The following FER variants were observed in gnomAD, a reference collection of about 807,000 sequenced individuals.
FER encodes tyrosine-protein kinase Fer.
In FER, 63 loss-of-function variants were observed where a neutral mutation model predicts 111.0. That is an observed-to-expected ratio of 0.57 (90% CI 0.46 to 0.70). The LOEUF is 0.70. FER is among the 30% of genes least tolerant of loss of function. The pLI is 0.00. For synonymous variants in FER, 327 were observed against 313.9 expected (o/e 1.04, Z -0.44); for missense variants, 914 against 954.0 (o/e 0.96, Z 0.55).
chr5:108,797,636 G>C (rs1273258766), intron 2 of FER, among the ~76,000 whole-genome samples: 1 of 152,218 alleles, frequency 6.6e-6, no homozygotes, highest in African/African-American at 2.4e-5. Context: ...GATGATTCGA[G>C]ACTGTGTTTT....
chr5:108,874,999 C>G lies in FER; in HGVS notation c.923+2787C>G, dbSNP rs1243061758. Among the ~76,000 whole-genome samples, 6 of 150,120 alleles carry G rather than the reference C, an allele frequency of 4.0e-5. No individual in the cohort carries two copies. In the East Asian group the frequency reaches 7.8e-4, roughly 19 times the overall value. On this transcript the variant is annotated intron_variant, in intron 8 of 19. Transcript: ENST00000281092. ...TTGTGAAACTGGACAGATAACTTAT[C>G]CCCTCTGTTATGGAAATCTAACACT...
At chr5:109,026,405 A>G (rs553186499) in intron 13 of FER, among the ~76,000 whole-genome samples, 6 of 152,182 alleles carry the variant, frequency 3.9e-5, no homozygotes, top group African/African-American at 1.4e-4. Context: ...CAGATGGGCA[A>G]CTACTTTGCA....
intron 5 of FER, among the ~76,000 whole-genome samples, chr5:108,836,808 C>G (rs528628689): frequency 4.3e-4 from 65 of 152,056 alleles, no homozygotes; most frequent in African/African-American, 1.5e-3. Flanking sequence ...CTTTTCCCCT[C>G]TTCTTTATCT....
intron 10 of FER, among the ~76,000 whole-genome samples, chr5:108,898,627 C>CTTTCTT (rs1426413333): frequency 2.2e-5 from 3 of 137,264 alleles, no homozygotes; most frequent in East Asian, 5.1e-4. Context: ...TCCTTCCTTC[C>CTTTCTT]TTTCTTTTTC....
chr5:109,006,008 G>C (rs1025011993), intron 13 of FER, among the ~76,000 whole-genome samples: 2 of 152,164 alleles, frequency 1.3e-5, no homozygotes, highest in African/African-American at 4.8e-5. Context: ...AACCAGTATT[G>C]ATTAACTCAG....
At position 109,187,660 on chromosome 5, in the gene FER, C is replaced by G; in HGVS notation, c.*85C>G. On this transcript the variant is annotated 3_prime_UTR_variant, in exon 20 of 20. Coordinates refer to ENST00000281092, the MANE Select transcript of FER (RefSeq NM_005246.4). The stretch of plus-strand genomic sequence containing the variant: ...TGTTCTCATTAACAATGAATTTATA[C>G]CACATTACCTTCGACAGTCTTCTAC... 1 of 1,444,982 alleles carries G rather than the reference C, an allele frequency of 6.9e-7. No individual in the cohort carries two copies. Among genetic ancestry groups the G allele is most frequent in the Non-Finnish European group, 9.5e-7 (1 of 1,047,388 alleles). The allele number at this position is 1,444,982 out of a possible 1,614,324, so 89.5% of individuals were successfully genotyped here.
chr5:109,154,086 A>T (rs1755119479), intron 17 of FER, among the ~76,000 whole-genome samples: 1 of 151,732 alleles, frequency 6.6e-6, no homozygotes, highest in Non-Finnish European at 1.5e-5. Context: ...GCAAAAAAAA[A>T]ACCCATGCTG....
chr5:108,859,544 T>C (rs1222767290), intron 5 of FER, among the ~76,000 whole-genome samples: 3 of 152,210 alleles, frequency 2.0e-5, no homozygotes, highest in Non-Finnish European at 4.4e-5. Context: ...TTTTGTTCTT[T>C]ATTATATTTT....
intron 2 of FER, among the ~76,000 whole-genome samples, chr5:108,793,070 T>C (rs1755560861): frequency 6.6e-6 from 1 of 152,220 alleles, no homozygotes; most frequent in Non-Finnish European, 1.5e-5. Context: ...TAAATTATTA[T>C]TGACTATAGT....
intron 10 of FER, among the ~76,000 whole-genome samples, chr5:108,921,947 T>C (rs1581210334): frequency 6.6e-6 from 1 of 152,268 alleles, no homozygotes; most frequent in East Asian, 1.9e-4. Flanking sequence ...ACTTTGGAAA[T>C]AGGGTCTGTA....
At chr5:108,756,764 C>T (rs1751158484) in intron 1 of FER, among the ~76,000 whole-genome samples, 1 of 152,216 alleles carries the variant, frequency 6.6e-6, no homozygotes, top group South Asian at 2.1e-4. Flanking sequence ...AAGCCAATTT[C>T]TTTCTCCTAC....
intron 17 of FER, among the ~76,000 whole-genome samples, chr5:109,167,749 G>T (rs959654032): frequency 1.0e-3 from 152 of 152,276 alleles, no homozygotes; most frequent in African/African-American, 3.6e-3. Context: ...TTCTGCCCCA[G>T]TGTAACCTTA....
chr5:109,182,856 A>C (rs1310977934), intron 18 of FER, among the ~76,000 whole-genome samples: 1 of 152,094 alleles, frequency 6.6e-6, no homozygotes, highest in Non-Finnish European at 1.5e-5. Flanking sequence ...GATTTTTTTT[A>C]ATTGAGACAG....
At chr5:108,789,011 C>G (rs988404947) in intron 2 of FER, among the ~76,000 whole-genome samples, 1 of 152,134 alleles carries the variant, frequency 6.6e-6, no homozygotes, top group Non-Finnish European at 1.5e-5. Context: ...ATAATGGCTT[C>G]TTATGTCTTA....
At position 108,892,832 on chromosome 5, in the gene FER, A is replaced by G. The variant is rs1032732145; in HGVS notation, c.1047-4827A>G. 1.7e-3 allele frequency among the ~76,000 whole-genome samples: 261 copies of G among 152,232 alleles called. 1 individual carries two copies. Among genetic ancestry groups the G allele is most frequent in the Non-Finnish European group, 3.0e-3 (202 of 68,020 alleles). On this transcript the variant is annotated intron_variant, in intron 9 of 19. Coordinates refer to ENST00000281092, the MANE Select transcript of FER (RefSeq NM_005246.4). ...CGTTTAAGTCTTTAATCCATCTTGA[A>G]TTAATTTCTGTATAAGGTGTAAGGA...
intron 2 of FER, among the ~76,000 whole-genome samples, chr5:108,774,991 G>T (rs1033783853): frequency 1.3e-5 from 2 of 152,100 alleles, no homozygotes; most frequent in African/African-American, 4.8e-5. Flanking sequence ...GAATGATTTT[G>T]TCTAGGTTTT....
intron 10 of FER, among the ~76,000 whole-genome samples, chr5:108,945,619 C>A (rs1158376040): frequency 6.6e-6 from 1 of 151,996 alleles, no homozygotes; most frequent in Non-Finnish European, 1.5e-5. Context: ...TGGTCATCAT[C>A]ATCATGTGAA....
intron 17 of FER, among the ~76,000 whole-genome samples, chr5:109,164,165 C>T (rs570251060): frequency 2.0e-4 from 30 of 152,268 alleles, no homozygotes; most frequent in Non-Finnish European, 3.5e-4. Flanking sequence ...CAGAGGCCTT[C>T]GTCAGTCTTG....
intron 5 of FER, among the ~76,000 whole-genome samples, chr5:108,862,885 C>T (rs1307701336): frequency 6.6e-6 from 1 of 151,846 alleles, no homozygotes; most frequent in Non-Finnish European, 1.5e-5. Context: ...AAATGGGCCT[C>T]AGAAAAGGCA....
Sources: allele counts gnomAD v4.1 joint callset (sites outside exome capture counted in the v4.1 genomes callset), GRCh38; gene constraint gnomAD v4.1.1; transcripts MANE v1.5; gene names NCBI Gene and HGNC (gene_info 2026-07-23, HGNC 2026-07-21).